The following BDP1 variants were observed in gnomAD, a reference collection of about 807,000 sequenced individuals.
BDP1 encodes BDP1 general transcription factor IIIB subunit, also known as transcription factor TFIIIB component B'' homolog.
Under a neutral mutation model 266.6 loss-of-function variants are expected in BDP1, and 169 were observed. The ratio of observed to expected loss-of-function variants is 0.63; its 90% CI spans 0.56 to 0.72. BDP1 has a LOEUF of 0.72. BDP1 is among the 30% of genes least tolerant of loss of function. BDP1 has a pLI of 0.00. For synonymous variants in BDP1, 1,090 were observed against 1,022.4 expected (o/e 1.07, Z -1.26); for missense variants, 3,015 against 3,053.8 (o/e 0.99, Z 0.30).
In BDP1 at chr5:71,455,939, G is replaced by C; in HGVS notation, c.62G>C (p.Gly21Ala). The C allele has an allele frequency of 6.2e-7, 1 of 1,611,976 alleles. No individual in the cohort carries two copies. Among genetic ancestry groups the C allele is most frequent in the Non-Finnish European group, 8.5e-7 (1 of 1,179,336 alleles). ...PNVRPGVGAR[G>A]STASNPQRGR... ...GTCAGGCCTGGTGTAGGCGCCAGGG[G>C]CTCCACAGCTTCCAATCCCCAGCGT... Residue 21 changes from glycine to alanine, a missense_variant, in exon 1 of 39, where the codon GGC (glycine) becomes GCC (alanine). Coordinates refer to ENST00000358731, the MANE Select transcript of BDP1 (RefSeq NM_018429.3).
At chr5:71,502,949 C>T (rs1397020994) in intron 15 of BDP1, among the ~76,000 whole-genome samples, 158 bp downstream of exon 15, 1 of 144,310 alleles carries the variant, frequency 6.9e-6, no homozygotes, top group Non-Finnish European at 1.5e-5. Context: ...AATGCAGTGT[C>T]GCGATCTTGC....
At chr5:71,575,117 C>T in the BDP1 span, among the ~76,000 whole-genome samples, 1 of 152,064 alleles carries the variant, frequency 6.6e-6, no homozygotes, top group Non-Finnish European at 1.5e-5. Flanking sequence ...TTTATGGGGT[C>T]GAGACTTACA....
In BDP1 at chr5:71,502,614, T is replaced by C; in HGVS notation, c.2064T>C (p.Asn688=). The C allele has an allele frequency of 7.5e-6, 12 of 1,589,568 alleles. No individual in the cohort carries two copies. Among genetic ancestry groups the C allele is most frequent in the Non-Finnish European group, 9.4e-6 (11 of 1,171,458 alleles). The change falls in exon 15 of 39, where the codon AAT becomes AAC. Residue 688 remains asparagine, a synonymous_variant. Coordinates refer to ENST00000358731, the MANE Select transcript of BDP1 (RefSeq NM_018429.3). ...AETVSVLGEK[N]CLQEGSQLKA... ...GTGGTTCTAGTTTGGGTGAAAAAAA[T>C]TGTCTGCAGGAAGGGAGTCAACTAA...
intron 25 of BDP1, among the ~76,000 whole-genome samples, chr5:71,524,859 GC>G (rs1765702957): frequency 6.7e-6 from 1 of 150,174 alleles, no homozygotes; most frequent in African/African-American, 2.5e-5. Context: ...CTGCCTTCAA[GC>G]ATCTGTTTAA....
At position 71,467,366 on chromosome 5, in the gene BDP1, A is replaced by C; in HGVS notation, c.798A>C (p.Glu266Asp). The C allele has an allele frequency of 6.2e-7, 1 of 1,605,466 alleles. No individual in the cohort carries two copies. The highest frequency in any genetic ancestry group is 1.1e-5 in the South Asian group (1 of 89,430). The change falls in exon 6 of 39, where the codon GAA (glutamate) becomes GAC (aspartate). Residue 266 changes from glutamate to aspartate, a missense_variant. By Grantham distance (45) the Glu-to-Asp change is conservative. Coordinates refer to ENST00000358731, the MANE Select transcript of BDP1 (RefSeq NM_018429.3). Reference protein sequence around the residue: ...IILDEESLTVEVLRTKGPCVV... With the variant: ...IILDEESLTVDVLRTKGPCVV... Reference sequence around the variant, plus strand: ...GTGTTTATTTCAGTTTAACTGTAGAAGTTTTAAGAACAAAAGGCCCTTGTG... The same window carrying C: ...GTGTTTATTTCAGTTTAACTGTAGACGTTTTAAGAACAAAAGGCCCTTGTG...
rs140035388 is a variant in BDP1 at position 71,564,695 on chromosome 5, T to C, written c.7744-59T>C. On this transcript the variant is annotated intron_variant, in intron 38 of 38. Coordinates refer to ENST00000358731, the MANE Select transcript of BDP1 (RefSeq NM_018429.3). ...TTAGACTGCTATATATACACACACA[T>C]ATATATATAAATGTTGTATTACAGT... 7.3e-4 allele frequency: 1,015 copies of C among 1,388,044 alleles called. 11 individuals are homozygous for C. The Admixed American group carries it at 0.014, about 19-fold the overall frequency. The allele number at this position is 1,388,044 out of a possible 1,614,324, so 86.0% of individuals were successfully genotyped here.
Position 71,517,519 on chromosome 5 carries a change from G to T in BDP1, c.4991+67G>T. On this transcript the variant is annotated intron_variant, in intron 22 of 38. Coordinates refer to ENST00000358731, the MANE Select transcript of BDP1 (RefSeq NM_018429.3). ...ATAAAAGTTATATTTTTGCATAGTTGACTTTATATATTAATAACTTCACAT... is the reference window on the plus strand; with the variant it reads ...ATAAAAGTTATATTTTTGCATAGTTTACTTTATATATTAATAACTTCACAT... 3.0e-6 allele frequency: 4 copies of T among 1,339,944 alleles called. No individual in the cohort carries two copies. The South Asian group carries it at 4.3e-5, about 14-fold the overall frequency. 83.0% of individuals were successfully genotyped at this position (1,339,944 alleles called of 1,614,324 possible).
intron 31 of BDP1, 77 bp downstream of exon 31, chr5:71,544,584 G>A: frequency 6.7e-7 from 1 of 1,501,154 alleles, no homozygotes; most frequent in Non-Finnish European, 9.0e-7. Flanking sequence ...GTAAGAATTT[G>A]AAAAAGAAGT....
chr5:71,545,520 C>CG, intron 32 of BDP1: 1 of 331,662 alleles, frequency 3.0e-6, no homozygotes, highest in Non-Finnish European at 5.4e-6. Context: ...TTAGTAGAGA[C>CG]GGGATTCGCC....
intron 24 of BDP1, 109 bp downstream of exon 24, chr5:71,523,058 T>G: frequency 2.7e-6 from 2 of 750,110 alleles, no homozygotes; most frequent in Non-Finnish European, 4.2e-6. Flanking sequence ...CCATTAGACA[T>G]GGGTAGAAAC....
In BDP1 at chr5:71,566,264, C is replaced by T. The variant is rs1280577202; in HGVS notation, c.*1379C>T. 1 of 152,568 alleles carries T rather than the reference C, an allele frequency of 6.6e-6. No homozygotes were observed. The highest frequency in any genetic ancestry group is 2.4e-5 in the African/African-American group (1 of 41,424). The allele number at this position is 152,568 out of a possible 1,614,324, so 9.5% of individuals were successfully genotyped here. The stretch of plus-strand genomic sequence containing the variant: ...AGACATAATATTAGTTTTTAAAAAG[C>T]CAATTTCTTCATAGTTTTTTCCCAT... On this transcript the variant is annotated 3_prime_UTR_variant, in exon 39 of 39. Coordinates refer to ENST00000358731, the MANE Select transcript of BDP1 (RefSeq NM_018429.3).
chr5:71,489,984 A>G (rs923834826), intron 10 of BDP1, among the ~76,000 whole-genome samples: 3 of 152,206 alleles, frequency 2.0e-5, no homozygotes, highest in Non-Finnish European at 4.4e-5. Flanking sequence ...GTATGTTGCT[A>G]TGTCTGTCAA....
At chr5:71,571,178 C>T (rs1214809921), downstream of BDP1, among the ~76,000 whole-genome samples, 2 of 152,062 alleles carry the variant, frequency 1.3e-5, no homozygotes. Flanking sequence ...AAAGTCTGGC[C>T]CTGTTACCTA....
At chr5:71,523,409 G>A (rs40153) in intron 24 of BDP1, among the ~76,000 whole-genome samples, 27,527 of 152,058 alleles carry the variant, frequency 0.18, 3,384 homozygotes, top group Non-Finnish European at 0.26. Flanking sequence ...CACCTCCCAG[G>A]TACAAGTGAT....
chr5:71,523,612 C>T (rs1299235709), intron 24 of BDP1, among the ~76,000 whole-genome samples: 1 of 152,150 alleles, frequency 6.6e-6, no homozygotes, highest in Admixed American at 6.5e-5. Context: ...CTGCGCCCAG[C>T]CGGTTCTGTG....
intron 35 of BDP1, 80 bp downstream of exon 35, chr5:71,553,400 C>T: frequency 1.0e-6 from 1 of 953,566 alleles, no homozygotes; most frequent in Middle Eastern, 3.2e-4. Flanking sequence ...CCTATTTTTT[C>T]CTTTATTCTC....
At position 71,539,065 on chromosome 5, in the gene BDP1, C is replaced by A. The variant is rs35131626; in HGVS notation, c.5916C>A (p.Ile1972=). Residue 1972 remains isoleucine (I), a synonymous_variant, in exon 27 of 39, where the codon ATC becomes ATA. Transcript: ENST00000358731. ...VPFEMTTSEH[I]QDEPGTNDGS... is the part of the protein sequence containing the mutation. ...AGGAAATGACCACAAGTGAACATAT[C>A]CAAGATGAACCAGGTAACTGTTATC... The A allele has an allele frequency of 0.027, 43,425 of 1,599,206 alleles. 791 individuals are homozygous for A. The highest frequency in any genetic ancestry group is 0.065 in the South Asian group (5,848 of 89,328).
chr5:71,542,061 A>G, intron 29 of BDP1, 44 bp from the exon 30 acceptor site: 1 of 1,504,182 alleles, frequency 6.6e-7, no homozygotes. Flanking sequence ...GTGAGAGAGC[A>G]AGATCTAACA....
intron 7 of BDP1, among the ~76,000 whole-genome samples, chr5:71,471,177 C>G (rs1762225880): frequency 8.3e-6 from 1 of 120,718 alleles, no homozygotes. Context: ...GAGTCTCGCT[C>G]TGTTGCCCAG....
Sources: gnomAD v4.1 joint callset for allele counts (sites outside exome capture counted in the v4.1 genomes callset) on GRCh38, gnomAD v4.1.1 for gene constraint, MANE v1.5 for transcripts, NCBI Gene and HGNC (gene_info 2026-07-23, HGNC 2026-07-21) for gene names.